The following TRMT44 variants were observed in gnomAD, a reference collection of about 807,000 sequenced individuals.
TRMT44 encodes the protein probable tRNA (uracil-O(2)-)-methyltransferase.
In TRMT44, 78 loss-of-function variants were observed where a neutral mutation model predicts 77.3. The observed-to-expected ratio is 1.01, with a 90% confidence interval of 0.84 to 1.22. TRMT44 has a LOEUF of 1.22. Among genes scored for constraint, TRMT44 ranks in the 50% most tolerant of loss-of-function variants. The probability of loss-of-function intolerance (pLI) is 0.00; values close to 1 mark genes in which losing one functional copy is unlikely to be tolerated. For missense variants in TRMT44, 1,090 were observed against 964.4 expected (o/e 1.13, Z -1.73); for synonymous variants, 391 against 383.3 (o/e 1.02, Z -0.23).
At chr4:8,514,717 G>C in the TRMT44 span, among the ~76,000 whole-genome samples, 17 of 152,260 alleles carry the variant, frequency 1.1e-4, no homozygotes, top group African/African-American at 3.9e-4. Flanking sequence ...GGACCCAGTT[G>C]GGGGGCAGCG....
the TRMT44 span, among the ~76,000 whole-genome samples, chr4:8,514,409 G>A: frequency 6.6e-6 from 1 of 151,880 alleles, no homozygotes; most frequent in South Asian, 2.1e-4. Flanking sequence ...GAGTAGCTGG[G>A]ATCACAGGCG....
chr4:8,467,432 A>G (rs1029740756), intron 8 of TRMT44, among the ~76,000 whole-genome samples: 3 of 151,986 alleles, frequency 2.0e-5, no homozygotes, highest in African/African-American at 7.2e-5. Flanking sequence ...TGTTTTTTTA[A>G]TTTTTAAGTT....
chr4:8,464,146 A>G, intron 7 of TRMT44, 55 bp downstream of exon 7: 1 of 1,477,324 alleles, frequency 6.8e-7, no homozygotes, highest in South Asian at 1.2e-5. Flanking sequence ...CATCTTCTAA[A>G]CAGTGGTGTC....
chr4:8,513,741 A>G, the TRMT44 span, among the ~76,000 whole-genome samples: 1 of 152,232 alleles, frequency 6.6e-6, no homozygotes, highest in Non-Finnish European at 1.5e-5. Context: ...AAGACACATC[A>G]CAAAAGAGCA....
At chr4:8,465,966 C>T (rs545999262) in intron 8 of TRMT44, among the ~76,000 whole-genome samples, 91 of 152,314 alleles carry the variant, frequency 6.0e-4, no homozygotes, top group African/African-American at 2.1e-3. Flanking sequence ...TTCCCATTTT[C>T]TCATTAAAGG....
intron 2 of TRMT44, among the ~76,000 whole-genome samples, chr4:8,484,553 A>G (rs1471911295): frequency 1.3e-5 from 2 of 152,188 alleles, no homozygotes; most frequent in African/African-American, 4.8e-5. Flanking sequence ...CAAAAAGGCT[A>G]CACGATGCGA....
the TRMT44 span, among the ~76,000 whole-genome samples, chr4:8,500,249 C>T: frequency 0.13 from 19,327 of 152,022 alleles, 1,239 homozygotes; most frequent in Middle Eastern, 0.15. Flanking sequence ...CCCTGCACTT[C>T]AGGAGGCTGA....
downstream of TRMT44, among the ~76,000 whole-genome samples, chr4:8,480,390 C>G (rs536613370): frequency 8.5e-5 from 13 of 152,222 alleles, no homozygotes; most frequent in Middle Eastern, 6.8e-3. Flanking sequence ...TGATGCTTTC[C>G]TTAGGGTGGG....
At chr4:8,463,893 T>C (rs1726339288) in intron 6 of TRMT44, 92 bp from the exon 7 acceptor site, 3 of 1,055,912 alleles carry the variant, frequency 2.8e-6, no homozygotes, top group East Asian at 4.8e-5. Flanking sequence ...GCTGTGTGAC[T>C]CCAGAGCCTG....
chr4:8,461,929 C>T lies in TRMT44; in HGVS notation c.1204-2056C>T, dbSNP rs1015094121. On this transcript the variant is annotated intron_variant, in intron 6 of 10. Coordinates refer to ENST00000389737, the MANE Select transcript of TRMT44 (RefSeq NM_152544.3). This position sits in a 1 kb window ranked among gnomAD's most constrained non-coding sequence, Gnocchi z 4.6. ...ACAATCTAGAAAGTCAAAGGCCAGG[C>T]GTAGAATATAACTTTTTTTCTTTCT... Among the ~76,000 whole-genome samples the T allele has an allele frequency of 6.6e-6, 1 of 152,062 alleles. No individual in the cohort carries two copies. The highest frequency in any genetic ancestry group is 1.5e-5 in the Non-Finnish European group (1 of 68,028).
At chr4:8,489,932 A>G (rs925194349) in intron 2 of TRMT44, among the ~76,000 whole-genome samples, 1 of 152,194 alleles carries the variant, frequency 6.6e-6, no homozygotes, top group Non-Finnish European at 1.5e-5. Context: ...AAGACATGCA[A>G]CTTCCCCAAT....
At chr4:8,493,104 C>T (rs964766936) in intron 2 of TRMT44, among the ~76,000 whole-genome samples, 4 of 152,222 alleles carry the variant, frequency 2.6e-5, no homozygotes, top group Non-Finnish European at 5.9e-5. Flanking sequence ...AAAACAAAGT[C>T]CCTGCCTGCC....
chr4:8,468,660 G>T (rs1471464412), intron 9 of TRMT44: 4 of 542,162 alleles, frequency 7.4e-6, no homozygotes, highest in African/African-American at 1.9e-5. Flanking sequence ...AGAGAAAACA[G>T]GTTACTGAGT....
At chr4:8,506,828 A>C in the TRMT44 span, 2 of 152,362 alleles carry the variant, frequency 1.3e-5, no homozygotes, top group South Asian at 4.1e-4. Context: ...GCCGTGCTCC[A>C]AGTGAGAAAT....
intron 2 of TRMT44, among the ~76,000 whole-genome samples, chr4:8,448,622 G>A (rs1473323709): frequency 3.3e-5 from 5 of 152,254 alleles, no homozygotes; most frequent in South Asian, 2.1e-4. Context: ...CAGCAGGAAC[G>A]CTTCTGGACT....
intron 6 of TRMT44, among the ~76,000 whole-genome samples, chr4:8,457,929 C>T (rs571704851): frequency 1.4e-4 from 21 of 152,282 alleles, no homozygotes; most frequent in African/African-American, 4.8e-4. Flanking sequence ...GTGCAAGATA[C>T]GGATCTTGAG....
chr4:8,464,561 C>T (rs768190121), intron 7 of TRMT44, among the ~76,000 whole-genome samples: 2 of 152,180 alleles, frequency 1.3e-5, no homozygotes, highest in East Asian at 1.9e-4. Flanking sequence ...TTGTGCTGCT[C>T]CTCGTTGACG....
At chr4:8,483,157 T>C (rs1399331793) in intron 2 of TRMT44, among the ~76,000 whole-genome samples, 1 of 152,030 alleles carries the variant, frequency 6.6e-6, no homozygotes, top group Non-Finnish European at 1.5e-5. Flanking sequence ...GTATAAAAGG[T>C]CTAAGAATTG....
chr4:8,452,160 T>A lies in TRMT44; in HGVS notation c.1023+132T>A, dbSNP rs1725494951. 2.5e-6 allele frequency: 2 copies of A among 795,012 alleles called. No homozygotes were observed. The allele number at this position is 795,012 out of a possible 1,614,324, so 49.2% of individuals were successfully genotyped here. On this transcript the variant is annotated intron_variant, in intron 4 of 10. Coordinates refer to ENST00000389737, the MANE Select transcript of TRMT44 (RefSeq NM_152544.3). The surrounding 1 kb of genome is among the most constrained non-coding windows in gnomAD (Gnocchi z 5.7). The stretch of plus-strand genomic sequence containing the variant: ...ACAATTCTGCTGGCCAAGGTTGGTT[T>A]CTCGTGTAATGGTTTGACTTCATGT...
Sources: gnomAD v4.1 joint callset for allele counts (sites outside exome capture counted in the v4.1 genomes callset) on GRCh38, gnomAD v4.1.1 for gene constraint, Gnocchi (gnomAD v3.1) non-coding constraint, MANE v1.5 for transcripts, NCBI Gene and HGNC (gene_info 2026-07-23, HGNC 2026-07-21) for gene names.